Variants in FRMD5 observed in about 807,000 individuals in gnomAD.
FRMD5 encodes the protein FERM domain-containing protein 5.
In FRMD5, 20 loss-of-function variants were observed where a neutral mutation model predicts 69.0. That is an observed-to-expected ratio of 0.29 (90% CI 0.20 to 0.42). FRMD5 has a LOEUF of 0.42. FRMD5 is among the 10% of genes least tolerant of loss of function. FRMD5 has a pLI of 1.00. For synonymous variants in FRMD5, 271 were observed against 260.1 expected, an observed-to-expected ratio of 1.04 and a Z score of -0.40; for missense variants, 595 against 708.6, an observed-to-expected ratio of 0.84 and a Z score of 1.82.
At chr15:44,085,571 C>T (rs1032185158) in intron 1 of FRMD5, among the ~76,000 whole-genome samples, 1 of 152,006 alleles carries the variant, frequency 6.6e-6, no homozygotes, top group Non-Finnish European at 1.5e-5. Context: ...TGATAAGGAG[C>T]CACATAGGGC....
chr15:43,994,450 T>C, intron 1 of FRMD5, among the ~76,000 whole-genome samples: 1 of 152,208 alleles, frequency 6.6e-6, no homozygotes, highest in East Asian at 1.9e-4. Flanking sequence ...ATTATTATTT[T>C]TATTTTACTT....
At chr15:44,172,805 T>G (rs918425091) in intron 1 of FRMD5, among the ~76,000 whole-genome samples, 2 of 152,048 alleles carry the variant, frequency 1.3e-5, no homozygotes, top group African/African-American at 4.8e-5. Context: ...AATAAAAACC[T>G]TCAGGAAAAA....
chr15:44,140,435 A>C (rs1160541889), intron 1 of FRMD5, among the ~76,000 whole-genome samples: 1 of 152,194 alleles, frequency 6.6e-6, no homozygotes, highest in Non-Finnish European at 1.5e-5. Flanking sequence ...CAAGAAGATA[A>C]TAAAGATACC....
At chr15:44,155,457 T>A (rs2077512258) in intron 1 of FRMD5, among the ~76,000 whole-genome samples, 1 of 151,808 alleles carries the variant, frequency 6.6e-6, no homozygotes, top group South Asian at 2.1e-4. Context: ...AGAAAAGCTG[T>A]ATAGTCACTC....
chr15:44,037,567 G>A (rs1334148804), intron 1 of FRMD5, among the ~76,000 whole-genome samples: 2 of 149,460 alleles, frequency 1.3e-5, no homozygotes, highest in African/African-American at 2.5e-5. Context: ...TCCCAGGTTC[G>A]AGCAATTCTC....
At chr15:44,004,350 C>A (rs995232382) in intron 1 of FRMD5, among the ~76,000 whole-genome samples, 4 of 152,006 alleles carry the variant, frequency 2.6e-5, no homozygotes, top group Admixed American at 2.6e-4. Context: ...CTCACAGATA[C>A]TATGTTTTTG....
intron 13 of FRMD5, among the ~76,000 whole-genome samples, chr15:43,878,598 A>G (rs2088430910): frequency 6.6e-6 from 1 of 152,212 alleles, no homozygotes. Context: ...GGTCACTGAT[A>G]AAGCAGAAAC....
intron 11 of FRMD5, 173 bp from the exon 12 acceptor site, chr15:43,884,968 C>T (rs763577823): frequency 1.7e-6 from 1 of 574,584 alleles, no homozygotes. Context: ...GACTTCTAAA[C>T]TGTCATGACA....
intron 10 of FRMD5, among the ~76,000 whole-genome samples, chr15:43,887,434 G>A (rs911359729): frequency 1.3e-5 from 2 of 152,260 alleles, no homozygotes; most frequent in Non-Finnish European, 2.9e-5. Flanking sequence ...GGACTGAACA[G>A]GAGGGAAGTG....
At chr15:43,966,755 A>G (rs931772012) in intron 1 of FRMD5, among the ~76,000 whole-genome samples, 6 of 152,232 alleles carry the variant, frequency 3.9e-5, no homozygotes, top group African/African-American at 1.4e-4. Context: ...GGCAGGTTAG[A>G]GACCAAGCAC....
intron 1 of FRMD5, among the ~76,000 whole-genome samples, chr15:44,014,205 A>G (rs1566898908): frequency 6.6e-6 from 1 of 152,152 alleles, no homozygotes; most frequent in Non-Finnish European, 1.5e-5. Flanking sequence ...GAGGGGGTCT[A>G]GGTCACAGAA....
intron 1 of FRMD5, among the ~76,000 whole-genome samples, chr15:44,078,770 T>C (rs957863743): frequency 1.2e-4 from 18 of 152,238 alleles, no homozygotes; most frequent in Middle Eastern, 3.4e-3. Flanking sequence ...TTATACAATA[T>C]ACAAAAATTA....
chr15:44,002,039 T>G (rs543323302), intron 1 of FRMD5, among the ~76,000 whole-genome samples: 1 of 152,306 alleles, frequency 6.6e-6, no homozygotes, highest in African/African-American at 2.4e-5. Flanking sequence ...GACTCCTCGG[T>G]TTGGCCACAG....
intron 7 of FRMD5, among the ~76,000 whole-genome samples, chr15:43,900,147 G>A (rs773237396): frequency 2.4e-4 from 37 of 152,226 alleles, no homozygotes; most frequent in Middle Eastern, 3.4e-3. Context: ...AGCAGTTATT[G>A]AACACAGACT....
chr15:44,088,390 T>C (rs1894294093), intron 1 of FRMD5, among the ~76,000 whole-genome samples: 1 of 152,134 alleles, frequency 6.6e-6, no homozygotes, highest in South Asian at 2.1e-4. Flanking sequence ...ACATTTAATA[T>C]AAACAGAATC....
At chr15:44,017,876 TG>T (rs933438792) in intron 1 of FRMD5, among the ~76,000 whole-genome samples, 1 of 152,142 alleles carries the variant, frequency 6.6e-6, no homozygotes, top group Non-Finnish European at 1.5e-5. Context: ...CCCAAAGTGC[TG>T]GGATTACAAG....
intron 1 of FRMD5, among the ~76,000 whole-genome samples, chr15:44,105,064 C>G (rs550891450): frequency 6.7e-6 from 1 of 150,240 alleles, no homozygotes; most frequent in Admixed American, 6.8e-5. Context: ...TAGTAAAGAG[C>G]CTATATCACT....
chr15:44,105,437 G>A (rs1441144644), intron 1 of FRMD5, among the ~76,000 whole-genome samples: 1 of 152,132 alleles, frequency 6.6e-6, no homozygotes, highest in East Asian at 1.9e-4. Flanking sequence ...TATTCAAGGT[G>A]CCATCCTAGA....
At chr15:43,943,610 T>G (rs745492291) in intron 1 of FRMD5, among the ~76,000 whole-genome samples, 12 of 152,152 alleles carry the variant, frequency 7.9e-5, no homozygotes, top group Non-Finnish European at 1.3e-4. Context: ...AGTTATTGGT[T>G]CCTTATAAGA....
Sources: allele counts gnomAD v4.1 joint callset (sites outside exome capture counted in the v4.1 genomes callset), GRCh38; gene constraint gnomAD v4.1.1; transcripts MANE v1.5; gene names NCBI Gene and HGNC (gene_info 2026-07-23, HGNC 2026-07-21).